The following ACOXL variants were observed in gnomAD, a reference collection of about 807,000 sequenced individuals.
ACOXL encodes the protein acyl-coenzyme A oxidase-like protein.
A neutral mutation model predicts 71.9 loss-of-function variants in ACOXL; 70 were observed. The observed-to-expected ratio is 0.97, with a 90% CI of 0.80 to 1.19. The LOEUF (loss-of-function observed/expected upper bound fraction) is 1.19, where lower values mean the gene tolerates loss of function less well. ACOXL is among the 50% of genes most tolerant of loss of function. The probability of loss-of-function intolerance (pLI) is 0.00; values close to 1 mark genes in which losing one functional copy is unlikely to be tolerated. For missense variants in ACOXL, 703 were observed against 736.3 expected (o/e 0.95, Z 0.52); for synonymous variants, 253 against 281.6 (o/e 0.90, Z 1.02).
intron 17 of ACOXL, 62 bp downstream of exon 17, chr2:111,093,028 A>G: frequency 5.9e-6 from 8 of 1,357,484 alleles, no homozygotes; most frequent in Non-Finnish European, 8.3e-6. Flanking sequence ...TTGCTTTCTT[A>G]GAAAACAGTC....
intron 9 of ACOXL, among the ~76,000 whole-genome samples, chr2:110,838,320 A>G (rs1389738933): frequency 2.0e-5 from 3 of 152,108 alleles, no homozygotes; most frequent in Non-Finnish European, 4.4e-5. Context: ...ACTAGTGTGC[A>G]TATGTGTGTG....
chr2:111,099,441 A>G (rs755134399), intron 17 of ACOXL: 8 of 152,268 alleles, frequency 5.3e-5, no homozygotes, highest in Non-Finnish European at 1.0e-4. Context: ...CTTGCTGCTC[A>G]GTGAGCAAAT....
At chr2:111,115,263 T>C (rs1291235666) in intron 17 of ACOXL, among the ~76,000 whole-genome samples, 1 of 152,158 alleles carries the variant, frequency 6.6e-6, no homozygotes, top group African/African-American at 2.4e-5. Context: ...GCATGTTTGG[T>C]AACAAAACTA....
At chr2:111,084,976 A>G (rs1574713047) in intron 16 of ACOXL, among the ~76,000 whole-genome samples, 1 of 152,148 alleles carries the variant, frequency 6.6e-6, no homozygotes, top group South Asian at 2.1e-4. Flanking sequence ...AATTTTAAAG[A>G]CAAAGAAGGA....
At chr2:110,746,154 A>T (rs1400466574) in intron 1 of ACOXL, among the ~76,000 whole-genome samples, 1 of 152,168 alleles carries the variant, frequency 6.6e-6, no homozygotes, top group East Asian at 1.9e-4. Context: ...GCTTACCCAG[A>T]TTACAGCTGT....
intron 14 of ACOXL, among the ~76,000 whole-genome samples, chr2:111,028,431 C>T (rs2065114305): frequency 6.6e-6 from 1 of 151,908 alleles, no homozygotes; most frequent in Non-Finnish European, 1.5e-5. Context: ...GCTGGGTTTG[C>T]AGGTTTAAGC....
chr2:110,798,962 G>A (rs1685609121), intron 6 of ACOXL, 52 bp from the exon 7 acceptor site: 1 of 1,554,100 alleles, frequency 6.4e-7, no homozygotes, highest in Non-Finnish European at 8.9e-7. Flanking sequence ...TCCAGGACAT[G>A]AGTAAAGCTA....
chr2:111,061,963 A>G (rs909888785), intron 16 of ACOXL, among the ~76,000 whole-genome samples: 2 of 151,970 alleles, frequency 1.3e-5, no homozygotes, highest in African/African-American at 4.8e-5. Context: ...AGAAAACAAG[A>G]AATAAAAAGA....
At chr2:110,910,376 A>G (rs1288550672) in intron 11 of ACOXL, among the ~76,000 whole-genome samples, 1 of 152,248 alleles carries the variant, frequency 6.6e-6, no homozygotes, top group African/African-American at 2.4e-5. Flanking sequence ...TCTTCTACTG[A>G]TGGACATTTG....
chr2:110,850,896 C>A (rs1692518898), intron 10 of ACOXL, among the ~76,000 whole-genome samples: 1 of 152,174 alleles, frequency 6.6e-6, no homozygotes, highest in Admixed American at 6.5e-5. Flanking sequence ...TAGCCTCAAA[C>A]TGAAGACAAT....
intron 16 of ACOXL, among the ~76,000 whole-genome samples, chr2:111,078,239 C>T (rs1415420038): frequency 6.6e-6 from 1 of 151,976 alleles, no homozygotes; most frequent in Non-Finnish European, 1.5e-5. Flanking sequence ...AAAATGTCTA[C>T]TTGATTCTCT....
At chr2:110,991,265 AT>A (rs2063160487) in intron 13 of ACOXL, among the ~76,000 whole-genome samples, 1 of 152,180 alleles carries the variant, frequency 6.6e-6, no homozygotes, top group East Asian at 1.9e-4. Flanking sequence ...CTCATTTGTC[AT>A]TCCTAAAATG....
intron 14 of ACOXL, among the ~76,000 whole-genome samples, chr2:111,017,442 C>T (rs1014442361): frequency 6.6e-6 from 1 of 152,240 alleles, no homozygotes; most frequent in African/African-American, 2.4e-5. Context: ...GTGGCAGCAG[C>T]TTCCTGCCTC....
At chr2:110,771,457 A>C (rs1482412617) in intron 2 of ACOXL, among the ~76,000 whole-genome samples, 2 of 152,168 alleles carry the variant, frequency 1.3e-5, no homozygotes, top group East Asian at 3.9e-4. Flanking sequence ...GCTCTGAGGC[A>C]GAACGCGGTG....
At position 110,931,754 on chromosome 2, in the gene ACOXL, T is replaced by C. The variant is rs528754815; in HGVS notation, c.906-1735T>C. ...TACATATACACTAGAATGACTAACATTAAAAAGACTGTAAAGACCAATTGT... is the reference window on the plus strand; with the variant it reads ...TACATATACACTAGAATGACTAACACTAAAAAGACTGTAAAGACCAATTGT... On this transcript the variant is annotated intron_variant, in intron 11 of 17. Coordinates refer to ENST00000439055, the MANE Select transcript of ACOXL (RefSeq NM_001142807.4). Among the ~76,000 whole-genome samples, 202 of 152,236 alleles carry C rather than the reference T, an allele frequency of 1.3e-3. 1 individual carries two copies. The highest frequency in any genetic ancestry group is 3.9e-4 in the East Asian group (2 of 5,184).
chr2:110,925,928 A>G (rs1409897668), intron 11 of ACOXL, among the ~76,000 whole-genome samples: 1 of 147,502 alleles, frequency 6.8e-6, no homozygotes, highest in African/African-American at 2.5e-5. Flanking sequence ...CTTTCACTTG[A>G]ACACTCAGAG....
intron 9 of ACOXL, among the ~76,000 whole-genome samples, chr2:110,821,328 A>G (rs1688576692): frequency 6.6e-6 from 1 of 152,016 alleles, no homozygotes; most frequent in South Asian, 2.1e-4. Flanking sequence ...TCATTAATGA[A>G]GGTGCCAGCA....
At chr2:110,747,322 C>T (rs1035379081) in intron 1 of ACOXL, among the ~76,000 whole-genome samples, 18 of 152,128 alleles carry the variant, frequency 1.2e-4, no homozygotes, top group Non-Finnish European at 1.5e-4. Context: ...CATATTTAAA[C>T]GACAGCCAGA....
chr2:110,994,990 G>A (rs923190509), intron 13 of ACOXL, among the ~76,000 whole-genome samples: 1 of 151,884 alleles, frequency 6.6e-6, no homozygotes, highest in African/African-American at 2.4e-5. Flanking sequence ...GAATTATCGA[G>A]AAAATTGAAT....
Sources: gnomAD v4.1 joint callset for allele counts (sites outside exome capture counted in the v4.1 genomes callset) on GRCh38, gnomAD v4.1.1 for gene constraint, MANE v1.5 for transcripts, NCBI Gene and HGNC (gene_info 2026-07-23, HGNC 2026-07-21) for gene names.